Variants in ITCH observed in about 807,000 individuals in gnomAD.
ITCH encodes itchy E3 ubiquitin protein ligase, also known as E3 ubiquitin-protein ligase Itchy homolog.
A neutral mutation model predicts 126.8 loss-of-function variants in ITCH; 28 were observed. That is an observed-to-expected ratio of 0.22 (90% CI 0.16 to 0.30). ITCH has a LOEUF of 0.30. Among genes scored for constraint, ITCH ranks in the 10% least tolerant of loss-of-function variants. The pLI, the probability that ITCH is intolerant of heterozygous loss-of-function variation, is 1.00. For synonymous variants in ITCH, 342 were observed against 340.0 expected, an observed-to-expected ratio of 1.01 and a Z score of -0.06; for missense variants, 631 against 1,032.4, an observed-to-expected ratio of 0.61 and a Z score of 5.33.
At chr20:34,381,803 A>G (rs1445663777) in intron 2 of ITCH, among the ~76,000 whole-genome samples, 2 of 151,572 alleles carry the variant, frequency 1.3e-5, no homozygotes, top group African/African-American at 2.4e-5. Flanking sequence ...GTTCCAGGCT[A>G]TAGTGAGCCA....
At chr20:34,454,295 G>T (rs1320700855) in intron 12 of ITCH, 1 of 151,474 alleles carries the variant, frequency 6.6e-6, no homozygotes, top group East Asian at 2.0e-4. Flanking sequence ...CCGCTACCAC[G>T]CCCGGCTAAT....
intron 2 of ITCH, among the ~76,000 whole-genome samples, chr20:34,372,276 G>A (rs2037662880): frequency 7.9e-6 from 1 of 126,872 alleles, no homozygotes; most frequent in East Asian, 2.6e-4. Context: ...CTGCACTCCA[G>A]CCTGGGCGAC....
At position 34,489,297 on chromosome 20, in the gene ITCH, G is replaced by C; in HGVS notation, c.2125G>C (p.Val709Leu). 1 of 1,613,652 alleles carries C rather than the reference G, an allele frequency of 6.2e-7. No individual in the cohort carries two copies. Among genetic ancestry groups the C allele is most frequent in the Non-Finnish European group, 8.5e-7 (1 of 1,179,686 alleles). The change falls in exon 21 of 25, where the codon GTT becomes CTT. Residue 709 changes from valine to leucine, a missense_variant. Around this residue, in one of 4 missense-constraint regions of ITCH, gnomAD observed 390 missense variants for 731.6 expected, o/e 0.53. Transcript: ENST00000374864. ...MVAEWRLSRG[V>L]EEQTQAFFEG... ...AGCTGAGTGGAGGTTGTCTCGAGGTGTTGAAGAACAGACACAAGCTTTCTT... is the reference window on the plus strand; with the variant it reads ...AGCTGAGTGGAGGTTGTCTCGAGGTCTTGAAGAACAGACACAAGCTTTCTT...
intron 24 of ITCH, among the ~76,000 whole-genome samples, chr20:34,506,234 C>G (rs1207907515): frequency 6.6e-6 from 1 of 152,142 alleles, no homozygotes; most frequent in African/African-American, 2.4e-5. Flanking sequence ...TGGCCAATTT[C>G]TAAACTTTTT....
intron 17 of ITCH, among the ~76,000 whole-genome samples, chr20:34,478,913 C>T (rs1449624754): frequency 6.6e-6 from 1 of 152,066 alleles, no homozygotes; most frequent in Non-Finnish European, 1.5e-5. Context: ...TCATGAGATA[C>T]ACTTATCACA....
intron 7 of ITCH, among the ~76,000 whole-genome samples, chr20:34,433,305 A>G (rs1982574912): frequency 6.6e-6 from 1 of 152,176 alleles, no homozygotes; most frequent in South Asian, 2.1e-4. Flanking sequence ...AAACAAACAA[A>G]CAAGCAACCA....
At chr20:34,392,878 G>A (rs1388163922) in intron 2 of ITCH, among the ~76,000 whole-genome samples, 2 of 152,068 alleles carry the variant, frequency 1.3e-5, no homozygotes, top group Non-Finnish European at 2.9e-5. Context: ...CCCCCAGCCC[G>A]GGAGGCGCTC....
At chr20:34,494,783 A>G (rs1171439645) in intron 23 of ITCH, among the ~76,000 whole-genome samples, 4 of 150,774 alleles carry the variant, frequency 2.7e-5, no homozygotes, top group Admixed American at 2.6e-4. Context: ...ATATAGGGAA[A>G]CCCTGTCTCT....
At chr20:34,471,974 T>C (rs1191933388) in intron 16 of ITCH, among the ~76,000 whole-genome samples, 3 of 152,156 alleles carry the variant, frequency 2.0e-5, no homozygotes, top group Non-Finnish European at 4.4e-5. Context: ...TAAGCGTATG[T>C]TACTCTTAAC....
At chr20:34,386,867 T>A (rs2038302015) in intron 2 of ITCH, among the ~76,000 whole-genome samples, 1 of 152,190 alleles carries the variant, frequency 6.6e-6, no homozygotes, top group African/African-American at 2.4e-5. Context: ...TGTCTATCCC[T>A]TTCCACATTT....
chr20:34,491,254 C>T (rs1351609516), intron 22 of ITCH, among the ~76,000 whole-genome samples: 1 of 152,052 alleles, frequency 6.6e-6, no homozygotes, highest in Non-Finnish European at 1.5e-5. Context: ...CATGAACAAA[C>T]CTTAAAAACA....
At chr20:34,476,399 G>A in intron 16 of ITCH, 1 of 1,240,566 alleles carries the variant, frequency 8.1e-7, no homozygotes, top group Non-Finnish European at 1.0e-6. Context: ...CCGGCGTGGT[G>A]CAGCCACCGG....
chr20:34,482,038 TTCA>T (rs1404840332), intron 20 of ITCH, among the ~76,000 whole-genome samples: 1 of 151,974 alleles, frequency 6.6e-6, no homozygotes, highest in Non-Finnish European at 1.5e-5. Context: ...AACAAAACAC[TTCA>T]TCATATCTTG....
rs989912098 is a variant in ITCH, at chr20:34,511,342, G to T, written c.*3548G>T. On this transcript the variant is annotated 3_prime_UTR_variant, in exon 25 of 25. Coordinates refer to ENST00000374864, the MANE Select transcript of ITCH (RefSeq NM_031483.7). ...TTCCTTCAGTGGTTGCCTCACTTGCGTTTTCCTACAAGATGTAAGACTGTT... is the reference window on the plus strand; with the variant it reads ...TTCCTTCAGTGGTTGCCTCACTTGCTTTTTCCTACAAGATGTAAGACTGTT... The T allele has an allele frequency of 6.6e-6, 1 of 152,106 alleles. No homozygotes were observed. The highest frequency in any genetic ancestry group is 1.5e-5 in the Non-Finnish European group (1 of 68,018). 9.4% of individuals were successfully genotyped at this position (152,106 alleles called of 1,614,324 possible).
intron 7 of ITCH, among the ~76,000 whole-genome samples, chr20:34,431,931 C>G (rs931815031): frequency 5.3e-5 from 8 of 151,598 alleles, no homozygotes; most frequent in African/African-American, 1.9e-4. Context: ...GTAATTCCAG[C>G]TACTCAGGAG....
chr20:34,504,533 T>C, intron 24 of ITCH, 130 bp downstream of exon 24: 2 of 697,518 alleles, frequency 2.9e-6, no homozygotes, highest in Non-Finnish European at 5.2e-6. Context: ...AGCAATCCAG[T>C]TTAAGAGCAT....
chr20:34,470,177 T>TGTTTC, intron 15 of ITCH, 57 bp downstream of exon 15: 3 of 1,248,330 alleles, frequency 2.4e-6, no homozygotes, highest in Middle Eastern at 1.9e-4. Flanking sequence ...TGCTTTATAT[T>TGTTTC]ACACAGTGAT....
chr20:34,453,663 G>A (rs1337757651), intron 12 of ITCH, among the ~76,000 whole-genome samples: 2 of 152,204 alleles, frequency 1.3e-5, no homozygotes, highest in East Asian at 3.9e-4. Flanking sequence ...TTATTTTTAG[G>A]TTATAAAAAT....
At chr20:34,382,625 C>G (rs1415219162) in intron 2 of ITCH, among the ~76,000 whole-genome samples, 1 of 152,002 alleles carries the variant, frequency 6.6e-6, no homozygotes, top group Non-Finnish European at 1.5e-5. Context: ...CCAGGCTGGT[C>G]TTGAACTCCT....
Sources: allele counts gnomAD v4.1 joint callset (sites outside exome capture counted in the v4.1 genomes callset), GRCh38; gene constraint gnomAD v4.1.1; regional missense constraint gnomAD v4.1.1; transcripts MANE v1.5; gene names NCBI Gene and HGNC (gene_info 2026-07-23, HGNC 2026-07-21).